Variants in RYK observed in about 807,000 individuals in gnomAD.
RYK encodes inactive tyrosine-protein kinase RYK.
A neutral mutation model predicts 70.2 loss-of-function variants in RYK; 21 were observed. The ratio of observed to expected loss-of-function variants is 0.30; its 90% CI spans 0.21 to 0.43. The LOEUF (loss-of-function observed/expected upper bound fraction) is 0.43, where lower values mean the gene tolerates loss of function less well. Among genes scored for constraint, RYK ranks in the 20% least tolerant of loss-of-function variants. RYK has a pLI of 1.00. For missense variants in RYK, 604 were observed against 753.3 expected, an observed-to-expected ratio of 0.80 and a Z score of 2.32; for synonymous variants, 267 against 278.0, an observed-to-expected ratio of 0.96 and a Z score of 0.39.
At chr3:134,205,998 A>C (rs1223203408) in intron 5 of RYK, among the ~76,000 whole-genome samples, 2 of 152,254 alleles carry the variant, frequency 1.3e-5, no homozygotes, top group Non-Finnish European at 2.9e-5. Flanking sequence ...AAGAATATGC[A>C]GTACTGCTCT....
intron 5 of RYK, among the ~76,000 whole-genome samples, chr3:134,204,303 G>A (rs901908616): frequency 1.1e-4 from 17 of 151,816 alleles, no homozygotes; most frequent in African/African-American, 4.1e-4. Flanking sequence ...AGACCAGCCT[G>A]ACCAACATAG....
chr3:134,222,161 G>T (rs1159956554), intron 2 of RYK, among the ~76,000 whole-genome samples: 1 of 152,222 alleles, frequency 6.6e-6, no homozygotes, highest in Non-Finnish European at 1.5e-5. Context: ...ATCTCTGTTT[G>T]AAGAGCCTAA....
chr3:134,176,160 A>AC, intron 11 of RYK, 121 bp from the exon 12 acceptor site: 1 of 656,036 alleles, frequency 1.5e-6, no homozygotes, highest in Non-Finnish European at 2.7e-6. Context: ...TACACACAGA[A>AC]TTTTTAAAAG....
Position 134,208,925 on chromosome 3 carries a change from T to TC in RYK, c.589+769dup, listed in dbSNP as rs147886705. The stretch of plus-strand genomic sequence containing the variant: ...TTGCGAGGTTTTTTTAAAGTATATT[T>TC]CCCCCCCCCATCTTAGATACTAACC... On this transcript the variant is annotated intron_variant, in intron 4 of 14. Coordinates refer to ENST00000623711, the MANE Select transcript of RYK (RefSeq NM_002958.4). Among the ~76,000 whole-genome samples the TC allele has an allele frequency of 2.5e-3, 369 of 150,314 alleles. 2 individuals carry two copies. Among genetic ancestry groups the TC allele is most frequent in the South Asian group, 9.1e-3 (43 of 4,702 alleles).
intron 6 of RYK, among the ~76,000 whole-genome samples, chr3:134,200,031 C>T (rs1258899363): frequency 1.6e-5 from 2 of 125,110 alleles, no homozygotes; most frequent in Non-Finnish European, 3.6e-5. Flanking sequence ...GACCAATCAC[C>T]ACTCTGTAAA....
intron 1 of RYK, among the ~76,000 whole-genome samples, chr3:134,240,725 G>T (rs1392989099): frequency 6.6e-6 from 1 of 152,156 alleles, no homozygotes; most frequent in Non-Finnish European, 1.5e-5. Flanking sequence ...GGCCCCAAAA[G>T]TCTAGAGGTC....
At chr3:134,210,977 C>T (rs1018100447) in intron 3 of RYK, among the ~76,000 whole-genome samples, 4 of 152,160 alleles carry the variant, frequency 2.6e-5, no homozygotes, top group Non-Finnish European at 5.9e-5. Flanking sequence ...AATACTGAGA[C>T]CAGCACATGC....
intron 10 of RYK, chr3:134,178,617 A>G (rs1049341140): frequency 2.3e-4 from 19 of 82,960 alleles, no homozygotes; most frequent in African/African-American, 8.2e-4. Flanking sequence ...ACCAATTACT[A>G]TCAGAGTGAC....
intron 1 of RYK, among the ~76,000 whole-genome samples, chr3:134,241,172 C>A (rs1319012254): frequency 7.1e-4 from 84 of 118,056 alleles, no homozygotes; most frequent in South Asian, 1.2e-3. Context: ...CCATCTCTAC[C>A]AAAAAAAAAA....
chr3:134,180,454 C>T (rs1017730197), intron 10 of RYK: 2 of 152,146 alleles, frequency 1.3e-5, no homozygotes, highest in African/African-American at 4.8e-5. Context: ...TTACATACCA[C>T]AAGGTAAAAT....
intron 1 of RYK, among the ~76,000 whole-genome samples, chr3:134,232,868 GA>G (rs1182130467): frequency 7.9e-5 from 12 of 152,208 alleles, no homozygotes; most frequent in Admixed American, 5.9e-4. Context: ...GGAATAGCAG[GA>G]ATAGAATTAT....
chr3:134,186,290 TATGA>T (rs2108160521), intron 9 of RYK, among the ~76,000 whole-genome samples: 1 of 152,358 alleles, frequency 6.6e-6, no homozygotes, highest in African/African-American at 2.4e-5. Flanking sequence ...TGTATAAAAT[TATGA>T]ATATTTTTAA....
intron 2 of RYK, among the ~76,000 whole-genome samples, chr3:134,216,228 A>G (rs1164158671): frequency 6.6e-6 from 1 of 152,164 alleles, no homozygotes; most frequent in African/African-American, 2.4e-5. Flanking sequence ...CAGAGAGTAC[A>G]GATTTAAAGT....
chr3:134,241,845 C>A (rs1042291310), intron 1 of RYK, among the ~76,000 whole-genome samples: 1 of 152,108 alleles, frequency 6.6e-6, no homozygotes, highest in Non-Finnish European at 1.5e-5. Context: ...AACAAACAAA[C>A]AAAAAACAGT....
intron 13 of RYK, among the ~76,000 whole-genome samples, chr3:134,173,704 T>G (rs2013001672): frequency 1.3e-5 from 2 of 152,078 alleles, no homozygotes; most frequent in Non-Finnish European, 2.9e-5. Flanking sequence ...GAATTCCAAT[T>G]CAAGATGAGA....
At chr3:134,159,845 C>G (rs1245467132) in intron 13 of RYK, among the ~76,000 whole-genome samples, 1 of 152,180 alleles carries the variant, frequency 6.6e-6, no homozygotes, top group African/African-American at 2.4e-5. Context: ...ATTAAAAAAA[C>G]TTCCAACCTT....
intron 1 of RYK, among the ~76,000 whole-genome samples, chr3:134,246,303 TACAC>T (rs71139521): frequency 0.079 from 7,055 of 88,810 alleles, 275 homozygotes; most frequent in Middle Eastern, 0.11. Context: ...CAGAAAGAAA[TACAC>T]ACACACACAC....
rs76260157 is a variant in RYK, at chr3:134,227,013, T to C, written c.233-4474A>G. ...AAGTAAAACTGTCATTGTTCACAGA[T>C]GACATAATCATATGTATAGAAAACA... On this transcript the variant is annotated intron_variant, in intron 1 of 14. Coordinates refer to ENST00000623711, the MANE Select transcript of RYK (RefSeq NM_002958.4). Among the ~76,000 whole-genome samples the C allele has an allele frequency of 3.3e-3, 499 of 152,316 alleles. 6 individuals are homozygous for C. The highest frequency in any genetic ancestry group is 0.011 in the African/African-American group (466 of 41,574).
chr3:134,173,367 A>G lies in RYK; in HGVS notation c.1575+2242T>C, dbSNP rs1445534103. On this transcript the variant is annotated intron_variant, in intron 13 of 14. Transcript: ENST00000623711. ...TTTATCAAAATACTTGGTATGTAAA[A>G]GGAGCAATATATCTGTATTAGTCCC... Among the ~76,000 whole-genome samples, 3 of 152,210 alleles carry G rather than the reference A, an allele frequency of 2.0e-5. No individual in the cohort carries two copies. In the East Asian group the frequency reaches 5.8e-4, roughly 29 times the overall value.
Sources: allele counts gnomAD v4.1 joint callset (sites outside exome capture counted in the v4.1 genomes callset), GRCh38; gene constraint gnomAD v4.1.1; transcripts MANE v1.5; gene names NCBI Gene and HGNC (gene_info 2026-07-23, HGNC 2026-07-21).